TEX11: variants seen among roughly 807,000 people sequenced by gnomAD.
TEX11 encodes testis-expressed protein 11.
A neutral mutation model predicts 84.4 loss-of-function variants in TEX11; 7 were observed. The ratio of observed to expected loss-of-function variants is 0.08; its 90% confidence interval spans 0.05 to 0.16. The LOEUF (loss-of-function observed/expected upper bound fraction) is 0.16. TEX11 is among the 10% of genes least tolerant of loss of function. The pLI is 1.00. For missense variants in TEX11, 551 were observed against 660.5 expected, an observed-to-expected ratio of 0.83 and a Z score of 1.82; for synonymous variants, 264 against 222.8, an observed-to-expected ratio of 1.18 and a Z score of -1.64.
At chrX:70,843,871 T>C (rs1353890767) in intron 7 of TEX11, among the ~76,000 whole-genome samples, 4 of 111,841 alleles carry the variant, frequency 3.6e-5, no homozygotes, top group Non-Finnish European at 7.5e-5. Flanking sequence ...ATGCTCATCA[T>C]CACTGGCCAT....
chrX:70,757,823 T>A (rs1044888346), intron 9 of TEX11, among the ~76,000 whole-genome samples: 1 of 111,598 alleles, frequency 9.0e-6, no homozygotes, highest in African/African-American at 3.3e-5. Context: ...AGACACAGAC[T>A]GGCAAATTGG....
chrX:70,903,136 C>T (rs2091811965), intron 2 of TEX11, among the ~76,000 whole-genome samples: 1 of 110,859 alleles, frequency 9.0e-6, no homozygotes, highest in Admixed American at 9.6e-5. Flanking sequence ...TCTGGAATAC[C>T]TCCTGAAGGA....
At chrX:70,610,414 GT>G in intron 21 of TEX11, 88 bp downstream of exon 21, 1 of 855,483 alleles carries the variant, frequency 1.2e-6, no homozygotes, top group Non-Finnish European at 1.7e-6. Context: ...CAAACATAAG[GT>G]TAAAGTTGCT....
the TEX11 span, among the ~76,000 whole-genome samples, chrX:70,518,179 T>G: frequency 9.0e-6 from 1 of 111,504 alleles, no homozygotes; most frequent in Non-Finnish European, 1.9e-5. Context: ...TGAATGTGTT[T>G]GCTCTTGCTT....
At chrX:70,725,632 T>C (rs1056387647) in intron 11 of TEX11, among the ~76,000 whole-genome samples, 9 of 112,458 alleles carry the variant, frequency 8.0e-5, no homozygotes, top group African/African-American at 2.6e-4. Context: ...CAGGCCATAT[T>C]CTTTGTAAGC....
Position 70,761,908 on chromosome X carries a change from G to C in TEX11, c.693-17689C>G, listed in dbSNP as rs1230575603. 5.4e-5 allele frequency among the ~76,000 whole-genome samples: 6 copies of C among 111,027 alleles called. No individual in the cohort carries two copies. In the East Asian group the frequency reaches 1.7e-3, roughly 31 times the overall value. ...TGATAAAGAAAGGATCTTAAAAGCA[G>C]TAAGAGAAAAGAAAAAAACAACATA... On this transcript the variant is annotated intron_variant, in intron 9 of 29. Transcript: ENST00000374333.
chrX:70,515,232 T>A, the TEX11 span, among the ~76,000 whole-genome samples: 2 of 111,857 alleles, frequency 1.8e-5, no homozygotes, highest in East Asian at 5.6e-4. Context: ...ACTCGTCATT[T>A]ACATTAGGTA....
chrX:70,621,753 C>T (rs1486416110), intron 20 of TEX11, among the ~76,000 whole-genome samples: 1 of 104,656 alleles, frequency 9.6e-6, no homozygotes, highest in Non-Finnish European at 1.9e-5. Context: ...AGACTGTGGT[C>T]AGGAAAAGCA....
intron 9 of TEX11, among the ~76,000 whole-genome samples, chrX:70,805,943 T>C (rs1301166693): frequency 4.5e-5 from 5 of 111,822 alleles, no homozygotes; most frequent in Non-Finnish European, 9.4e-5. Context: ...GTACTCAGCA[T>C]ACAGCGTTAA....
At chrX:70,609,446 G>T (rs917920981) in intron 21 of TEX11, among the ~76,000 whole-genome samples, 1 of 112,183 alleles carries the variant, frequency 8.9e-6, no homozygotes, top group African/African-American at 3.2e-5. Flanking sequence ...ACCTGAGGTA[G>T]AAAGATATGA....
At chrX:70,801,393 T>C (rs1443055728) in intron 9 of TEX11, among the ~76,000 whole-genome samples, 1 of 111,440 alleles carries the variant, frequency 9.0e-6, no homozygotes, top group Non-Finnish European at 1.9e-5. Flanking sequence ...AGAAATAGTA[T>C]ATATATAATT....
chrX:70,634,564 G>T (rs945772902), intron 17 of TEX11, among the ~76,000 whole-genome samples: 1 of 111,075 alleles, frequency 9.0e-6, no homozygotes, highest in African/African-American at 3.3e-5. Flanking sequence ...CGTAAGGATG[G>T]ATGAATAGAA....
At chrX:70,537,930 T>C (rs1005718570) in intron 28 of TEX11, among the ~76,000 whole-genome samples, 1 of 111,115 alleles carries the variant, frequency 9.0e-6, no homozygotes, top group African/African-American at 3.3e-5. Context: ...GATGAAGAGA[T>C]ATAGGTTTTA....
intron 8 of TEX11, among the ~76,000 whole-genome samples, chrX:70,818,628 G>A (rs2091302439): frequency 9.0e-6 from 1 of 110,801 alleles, no homozygotes; most frequent in Non-Finnish European, 1.9e-5. Context: ...CCTGGAGCCT[G>A]TGATACTGCT....
intron 17 of TEX11, among the ~76,000 whole-genome samples, chrX:70,647,254 G>C (rs1481222469): frequency 9.0e-6 from 1 of 111,649 alleles, no homozygotes; most frequent in Non-Finnish European, 1.9e-5. Context: ...TAAGGAGTCG[G>C]GGAGATTAGG....
At chrX:70,625,317 T>C (rs2089438837) in intron 18 of TEX11, among the ~76,000 whole-genome samples, 1 of 110,882 alleles carries the variant, frequency 9.0e-6, no homozygotes, top group Non-Finnish European at 1.9e-5. Flanking sequence ...CCTCTTTTTC[T>C]ATCTCTCCCC....
intron 4 of TEX11, among the ~76,000 whole-genome samples, chrX:70,861,448 GATTT>G (rs67849004): frequency 2.8e-5 from 3 of 105,302 alleles, no homozygotes; most frequent in Admixed American, 2.1e-4. Context: ...TTCAGTAAGA[GATTT>G]ATTTATTTAT....
intron 11 of TEX11, among the ~76,000 whole-genome samples, chrX:70,728,609 C>A (rs751911222): frequency 3.6e-5 from 4 of 111,457 alleles, no homozygotes; most frequent in African/African-American, 1.3e-4. Context: ...AGCAGCGAGG[C>A]TGGGGGAGGG....
At position 70,648,843 on chromosome X, in the gene TEX11, G is replaced by T. The variant is rs1205291931; in HGVS notation, c.1483+2607C>A. 2.7e-5 allele frequency among the ~76,000 whole-genome samples: 3 copies of T among 110,973 alleles called. No individual in the cohort carries two copies. The East Asian group carries it at 8.5e-4, about 31-fold the overall frequency. ...TAGGTTTTAAGCCTCACATGCATTA[G>T]CTATTTGTCCTGATGTTCTCCCTCC... On this transcript the variant is annotated intron_variant, in intron 17 of 29. Transcript: ENST00000374333.
Sources: gnomAD v4.1 joint callset for allele counts (sites outside exome capture counted in the v4.1 genomes callset) on GRCh38, gnomAD v4.1.1 for gene constraint, MANE v1.5 for transcripts, NCBI Gene and HGNC (gene_info 2026-07-23, HGNC 2026-07-21) for gene names.